PMM2: variants seen among roughly 807,000 people sequenced by gnomAD.
PMM2 encodes phosphomannomutase 2, also known as mannose-6-phosphate isomerase.
Under a neutral mutation model 33.2 loss-of-function variants are expected in PMM2, and 35 were observed. That is an observed-to-expected ratio of 1.06 (90% CI 0.81 to 1.40). The LOEUF is 1.40. Among genes scored for constraint, PMM2 ranks in the 40% most tolerant of loss-of-function variants. The probability of loss-of-function intolerance (pLI) is 0.00; values close to 1 mark genes in which losing one functional copy is unlikely to be tolerated. For synonymous variants in PMM2, 153 were observed against 114.7 expected (o/e 1.33, Z -2.13); for missense variants, 386 against 306.0 (o/e 1.26, Z -1.95).
At chr16:8,836,233 C>A (rs1052959916) in intron 7 of PMM2, among the ~76,000 whole-genome samples, 1 of 151,870 alleles carries the variant, frequency 6.6e-6, no homozygotes, top group Admixed American at 6.6e-5. Context: ...CGATGCTCGG[C>A]GTCCGTGATG....
At chr16:8,828,550 G>T (rs187543121) in intron 7 of PMM2, among the ~76,000 whole-genome samples, 1 of 152,118 alleles carries the variant, frequency 6.6e-6, no homozygotes, top group African/African-American at 2.4e-5. Flanking sequence ...ACCAGCTACC[G>T]ACATGAACCC....
At position 8,848,349 on chromosome 16, in the gene PMM2, C is replaced by G. The variant is rs2060942898; in HGVS notation, c.*524C>G. 5.3e-6 allele frequency: 1 copy of G among 187,996 alleles called. No homozygotes were observed. Among genetic ancestry groups the G allele is most frequent in the Admixed American group, 5.3e-5 (1 of 18,740 alleles). The allele number at this position is 187,996 out of a possible 1,614,324, so 11.6% of individuals were successfully genotyped here. A position where few individuals can be genotyped will look rare whatever the true frequency, so the allele number is the denominator to read the frequency against. ...AACGAAGCTCCCGCCTGCATGTCACCTTGATGGGGGCTGTGAGTGGGGCAG... is the reference window on the plus strand; with the variant it reads ...AACGAAGCTCCCGCCTGCATGTCACGTTGATGGGGGCTGTGAGTGGGGCAG... On this transcript the variant is annotated 3_prime_UTR_variant, in exon 8 of 8. Transcript: ENST00000268261.
chr16:8,812,938 CATT>C (rs1243801243), intron 6 of PMM2, 50 bp from the exon 7 acceptor site: 2 of 981,298 alleles, frequency 2.0e-6, no homozygotes, highest in African/African-American at 3.2e-5. Flanking sequence ...AGTGACATAT[CATT>C]AGCCCCTTTT....
At chr16:8,829,609 A>G (rs1045449462) in intron 7 of PMM2, among the ~76,000 whole-genome samples, 1 of 152,164 alleles carries the variant, frequency 6.6e-6, no homozygotes, top group East Asian at 1.9e-4. Context: ...GTCATCTTTG[A>G]TCCACTCCAC....
chr16:8,811,240 G>C, intron 5 of PMM2, 62 bp downstream of exon 5: 2 of 1,109,102 alleles, frequency 1.8e-6, no homozygotes, highest in South Asian at 2.7e-5. Flanking sequence ...ATATGGCCTG[G>C]TGTGGTGGTT....
intron 7 of PMM2, chr16:8,832,404 C>T (rs940258755): frequency 3.0e-6 from 3 of 985,300 alleles, no homozygotes; most frequent in Non-Finnish European, 3.6e-6. Context: ...TATTAAGTGT[C>T]AGCGAGTTAC....
intron 2 of PMM2, among the ~76,000 whole-genome samples, chr16:8,803,291 C>T (rs1157609258): frequency 6.6e-6 from 1 of 152,034 alleles, no homozygotes; most frequent in Non-Finnish European, 1.5e-5. Context: ...GGTAGATCTC[C>T]TACTTAGAAA....
intron 7 of PMM2, among the ~76,000 whole-genome samples, chr16:8,837,128 G>C (rs953096059): frequency 6.6e-6 from 1 of 151,926 alleles, no homozygotes; most frequent in Non-Finnish European, 1.5e-5. Context: ...TTGGGGTTGC[G>C]ACTGAGGGGA....
chr16:8,819,195 C>T (rs1186538371), intron 7 of PMM2, among the ~76,000 whole-genome samples: 1 of 152,202 alleles, frequency 6.6e-6, no homozygotes, highest in Non-Finnish European at 1.5e-5. Flanking sequence ...CGCTGCTCCT[C>T]AGGAGGCTGG....
chr16:8,842,004 C>T (rs1386915766), intron 7 of PMM2, among the ~76,000 whole-genome samples: 4 of 151,268 alleles, frequency 2.6e-5, no homozygotes, highest in Admixed American at 1.3e-4. Context: ...AAAGCAGCGG[C>T]AGCCGCTGCA....
At chr16:8,837,344 G>T (rs1347086797) in intron 7 of PMM2, among the ~76,000 whole-genome samples, 1 of 151,966 alleles carries the variant, frequency 6.6e-6, no homozygotes, top group Non-Finnish European at 1.5e-5. Flanking sequence ...AGTTTGTATT[G>T]GGGTCAAGTG....
intron 7 of PMM2, among the ~76,000 whole-genome samples, chr16:8,816,170 A>G (rs1459806681): frequency 1.3e-5 from 2 of 152,010 alleles, no homozygotes; most frequent in Non-Finnish European, 2.9e-5. Context: ...TCTGTCACCC[A>G]GGCTGGAGTG....
Position 8,797,891 on chromosome 16 carries a change from G to A in PMM2, c.9G>A (p.Ala3=). The A allele has an allele frequency of 6.2e-7, 1 of 1,611,430 alleles. No individual in the cohort carries two copies. Among genetic ancestry groups the A allele is most frequent in the Non-Finnish European group, 8.5e-7 (1 of 1,179,208 alleles). Residue 3 remains alanine, a synonymous_variant, in exon 1 of 8, where the codon GCG becomes GCA. Transcript: ENST00000268261. ...GGCTAGAAACTGGGGACATGGCAGCGCCTGGCCCAGCGCTCTGCCTCTTCG... is the reference window on the plus strand; with the variant it reads ...GGCTAGAAACTGGGGACATGGCAGCACCTGGCCCAGCGCTCTGCCTCTTCG... MA[A]PGPALCLFDV...
At chr16:8,843,721 G>C (rs1255070985) in intron 7 of PMM2, among the ~76,000 whole-genome samples, 1 of 152,196 alleles carries the variant, frequency 6.6e-6, no homozygotes, top group African/African-American at 2.4e-5. Flanking sequence ...CTGTTGTGGA[G>C]TTTGAGGGCC....
intron 7 of PMM2, among the ~76,000 whole-genome samples, chr16:8,825,332 G>A (rs2060760685): frequency 6.6e-6 from 1 of 150,712 alleles, no homozygotes; most frequent in South Asian, 2.1e-4. Flanking sequence ...TGCCCGGCCT[G>A]TTGTAGTTTT....
At chr16:8,832,154 G>A in intron 7 of PMM2, 1 of 985,426 alleles carries the variant, frequency 1.0e-6, no homozygotes, top group Non-Finnish European at 1.2e-6. Context: ...ACAGCCCCAA[G>A]AAGGCTGCAC....
chr16:8,803,468 A>G (rs2141017991), intron 2 of PMM2, among the ~76,000 whole-genome samples: 1 of 152,340 alleles, frequency 6.6e-6, no homozygotes, highest in South Asian at 2.1e-4. Flanking sequence ...TAGAATCAAA[A>G]CATTCACAGG....
In PMM2 at chr16:8,816,904, A is replaced by C. The variant is rs138505173; in HGVS notation, c.639+3798A>C. ...ATCCAGCAGTTCCACTTAGAGATAT[A>C]TATCCAAAATAATTGAAATCAGGAT... On this transcript the variant is annotated intron_variant, in intron 7 of 7. Coordinates refer to ENST00000268261, the MANE Select transcript of PMM2 (RefSeq NM_000303.3). Among the ~76,000 whole-genome samples, 50 of 152,330 alleles carry C rather than the reference A, an allele frequency of 3.3e-4. 1 individual carries two copies. The highest frequency in any genetic ancestry group is 1.1e-3 in the African/African-American group (45 of 41,570).
chr16:8,830,119 C>T (rs1362285722), intron 7 of PMM2, among the ~76,000 whole-genome samples: 1 of 152,236 alleles, frequency 6.6e-6, no homozygotes, highest in Non-Finnish European at 1.5e-5. Flanking sequence ...CATGGGTTGG[C>T]AGCACCCCAT....
Sources: gnomAD v4.1 joint callset for allele counts (sites outside exome capture counted in the v4.1 genomes callset) on GRCh38, gnomAD v4.1.1 for gene constraint, MANE v1.5 for transcripts, NCBI Gene and HGNC (gene_info 2026-07-23, HGNC 2026-07-21) for gene names.